The following C7orf33 variants were observed in gnomAD, a reference collection of about 807,000 sequenced individuals.
C7orf33 encodes the protein chromosome 7 open reading frame 33.
A neutral mutation model predicts 13.4 loss-of-function variants in C7orf33; 15 were observed. The observed-to-expected ratio is 1.12, with a 90% CI of 0.75 to 1.72. The LOEUF (loss-of-function observed/expected upper bound fraction) is 1.72. Among genes scored for constraint, C7orf33 ranks in the 40% most tolerant of loss-of-function variants. The pLI is 0.00. For synonymous variants in C7orf33, 73 were observed against 83.2 expected (o/e 0.88, Z 0.67); for missense variants, 187 against 220.3 (o/e 0.85, Z 0.96).
intron 1 of C7orf33, among the ~76,000 whole-genome samples, chr7:148,613,413 C>T (rs966777381): frequency 1.3e-5 from 2 of 152,188 alleles, no homozygotes; most frequent in African/African-American, 4.8e-5. Context: ...GGAAACAACC[C>T]AAATGTCCAC....
At chr7:148,606,775 C>T (rs993677632) in intron 1 of C7orf33, among the ~76,000 whole-genome samples, 5 of 152,182 alleles carry the variant, frequency 3.3e-5, no homozygotes, top group South Asian at 2.1e-4. Context: ...TTAGTAGAGA[C>T]GGGATTTCGT....
intron 1 of C7orf33, among the ~76,000 whole-genome samples, chr7:148,594,714 G>A (rs1437254102): frequency 3.3e-5 from 5 of 151,950 alleles, no homozygotes; most frequent in Admixed American, 2.0e-4. Context: ...AATGGTTTAG[G>A]GAAAATATGA....
intron 1 of C7orf33, among the ~76,000 whole-genome samples, chr7:148,600,659 A>G (rs970430777): frequency 6.6e-6 from 1 of 152,066 alleles, no homozygotes; most frequent in Non-Finnish European, 1.5e-5. Context: ...CTGCATTTCA[A>G]TTCTTTATTT....
rs772191611 is a variant in C7orf33, at chr7:148,615,323, G to T, written c.460-4G>T. The T allele has an allele frequency of 2.5e-6, 4 of 1,601,764 alleles. No homozygotes were observed. Among genetic ancestry groups the T allele is most frequent in the Non-Finnish European group, 3.4e-6 (4 of 1,168,864 alleles). On this transcript the variant is annotated splice_polypyrimidine_tract_variant and splice_region_variant and intron_variant, in intron 2 of 2. Transcript: ENST00000307003. ...TAACAGAAGTCTTCGTAATCCACAT[G>T]TAGGTACGTGGGCATGAAGTAAGAA...
rs895390545 is a variant in C7orf33 at position 148,598,612 on chromosome 7, G to A, written c.204+7483G>A. 1.3e-5 allele frequency among the ~76,000 whole-genome samples: 2 copies of A among 149,662 alleles called. 1 individual carries two copies. Among genetic ancestry groups the A allele is most frequent in the South Asian group, 4.2e-4 (2 of 4,730 alleles). Reference sequence around the variant, plus strand: ...TCTTCCTTCTTATAGCAGAACTGGCGCTCTGCAAATAAGTGAACCTATATT... The same window carrying A: ...TCTTCCTTCTTATAGCAGAACTGGCACTCTGCAAATAAGTGAACCTATATT... On this transcript the variant is annotated intron_variant, in intron 1 of 2. Coordinates refer to ENST00000307003, the MANE Select transcript of C7orf33 (RefSeq NM_145304.4).
chr7:148,610,725 T>A (rs1563124354), intron 1 of C7orf33, among the ~76,000 whole-genome samples: 1 of 152,062 alleles, frequency 6.6e-6, no homozygotes, highest in Non-Finnish European at 1.5e-5. Context: ...AGATCAAATT[T>A]TACATAGTAT....
intron 2 of C7orf33, among the ~76,000 whole-genome samples, chr7:148,614,960 G>A (rs1214831979): frequency 6.6e-6 from 1 of 152,184 alleles, no homozygotes; most frequent in Non-Finnish European, 1.5e-5. Flanking sequence ...CAAATAGGTT[G>A]AGCATTAATA....
chr7:148,613,847 T>C (rs1796573299), intron 1 of C7orf33, among the ~76,000 whole-genome samples, 195 bp from the exon 2 acceptor site: 1 of 152,212 alleles, frequency 6.6e-6, no homozygotes, highest in Non-Finnish European at 1.5e-5. Context: ...TGTTTTAAAA[T>C]TTTGGAACCA....
chr7:148,591,841 G>A (rs1014973732), intron 1 of C7orf33, among the ~76,000 whole-genome samples: 4 of 152,028 alleles, frequency 2.6e-5, no homozygotes, highest in African/African-American at 7.3e-5. Context: ...TCAACATCCC[G>A]AAGTGCCACC....
chr7:148,598,062 C>T (rs557623627), intron 1 of C7orf33, among the ~76,000 whole-genome samples: 3 of 152,260 alleles, frequency 2.0e-5, no homozygotes, highest in Admixed American at 6.5e-5. Context: ...GCCTCCCTTG[C>T]GTTTCTTATA....
Position 148,615,307 on chromosome 7 carries a change from T to C in C7orf33, c.460-20T>C, listed in dbSNP as rs749336562. ...GTAAATCATCCTGAGATAACAGAAGTCTTCGTAATCCACATGTAGGTACGT... is the reference window on the plus strand; with the variant it reads ...GTAAATCATCCTGAGATAACAGAAGCCTTCGTAATCCACATGTAGGTACGT... On this transcript the variant is annotated intron_variant, in intron 2 of 2. Coordinates refer to ENST00000307003, the MANE Select transcript of C7orf33 (RefSeq NM_145304.4). 6.4e-7 allele frequency: 1 copy of C among 1,550,996 alleles called. No homozygotes were observed. The highest frequency in any genetic ancestry group is 8.9e-7 in the Non-Finnish European group (1 of 1,123,020).
At chr7:148,599,725 G>A (rs890938500) in intron 1 of C7orf33, among the ~76,000 whole-genome samples, 11 of 151,734 alleles carry the variant, frequency 7.2e-5, no homozygotes, top group Non-Finnish European at 1.6e-4. Flanking sequence ...CACCCACCTC[G>A]GCCTCCCAAA....
At chr7:148,614,344 G>A (rs1364173136) in intron 2 of C7orf33, 48 bp downstream of exon 2, 1 of 1,573,150 alleles carries the variant, frequency 6.4e-7, no homozygotes, top group Admixed American at 1.8e-5. Context: ...GAAACCCACG[G>A]GATGCTCTGA....
chr7:148,598,115 G>A (rs900619142), intron 1 of C7orf33, among the ~76,000 whole-genome samples: 6 of 152,030 alleles, frequency 3.9e-5, no homozygotes, highest in African/African-American at 1.4e-4. Flanking sequence ...CTGTATTTTT[G>A]CGTGTTTTCA....
intron 1 of C7orf33, among the ~76,000 whole-genome samples, chr7:148,600,129 A>G (rs1189301748): frequency 6.6e-6 from 1 of 152,102 alleles, no homozygotes; most frequent in Non-Finnish European, 1.5e-5. Flanking sequence ...ACCTCTAGCC[A>G]TTTGGGGATG....
chr7:148,591,416 TCA>T (rs1180980450), intron 1 of C7orf33, among the ~76,000 whole-genome samples: 1 of 152,212 alleles, frequency 6.6e-6, no homozygotes, highest in Non-Finnish European at 1.5e-5. Flanking sequence ...TTGTATATTT[TCA>T]CACAGTGTGG....
At chr7:148,612,554 C>T (rs1361913303) in intron 1 of C7orf33, among the ~76,000 whole-genome samples, 1 of 149,352 alleles carries the variant, frequency 6.7e-6, no homozygotes, top group Non-Finnish European at 1.5e-5. Flanking sequence ...CAATAAATAA[C>T]CCAATGTTTT....
chr7:148,606,190 G>C (rs1327954830), intron 1 of C7orf33, among the ~76,000 whole-genome samples: 1 of 152,152 alleles, frequency 6.6e-6, no homozygotes, highest in African/African-American at 2.4e-5. Flanking sequence ...AAATTCGGAG[G>C]CAAGTTTTTA....
intron 1 of C7orf33, among the ~76,000 whole-genome samples, chr7:148,601,671 T>A (rs1224730576): frequency 6.6e-6 from 1 of 152,130 alleles, no homozygotes; most frequent in Admixed American, 6.5e-5. Context: ...CACTTGTTAT[T>A]TGTTATTAGT....
Sources: gnomAD v4.1 joint callset for allele counts (sites outside exome capture counted in the v4.1 genomes callset) on GRCh38, gnomAD v4.1.1 for gene constraint, MANE v1.5 for transcripts, NCBI Gene and HGNC (gene_info 2026-07-23, HGNC 2026-07-21) for gene names.